Variants in NAF1 observed in about 807,000 individuals in gnomAD.
NAF1 encodes nuclear assembly factor 1 ribonucleoprotein.
Under a neutral mutation model 40.6 loss-of-function variants are expected in NAF1, and 11 were observed. The observed-to-expected ratio is 0.27, with a 90% CI of 0.17 to 0.45. NAF1 has a LOEUF of 0.45. NAF1 is among the 20% of genes least tolerant of loss of function. The pLI, the probability that NAF1 is intolerant of heterozygous loss-of-function variation, is 1.00. For synonymous variants in NAF1, 260 were observed against 228.5 expected (o/e 1.14, Z -1.24); for missense variants, 607 against 611.1 (o/e 0.99, Z 0.07).
chr4:163,165,734 C>T (rs1732427445), intron 1 of NAF1, among the ~76,000 whole-genome samples: 1 of 152,152 alleles, frequency 6.6e-6, no homozygotes, highest in South Asian at 2.1e-4. Context: ...ATGCTGGAGT[C>T]CTCTCCAGCC....
chr4:163,140,824 A>C (rs1462157543), intron 4 of NAF1, among the ~76,000 whole-genome samples: 1 of 152,230 alleles, frequency 6.6e-6, no homozygotes, highest in Non-Finnish European at 1.5e-5. Flanking sequence ...ATAGGAGTTA[A>C]ATCACTTTTG....
downstream of NAF1, among the ~76,000 whole-genome samples, chr4:163,124,055 T>C (rs551150832): frequency 6.6e-6 from 1 of 152,338 alleles, no homozygotes; most frequent in Non-Finnish European, 1.5e-5. Context: ...GAGTAATTTA[T>C]AAAAACAATA....
At chr4:163,118,298 G>A (rs1730412473) in intron 2 of NAF1, among the ~76,000 whole-genome samples, 1 of 152,138 alleles carries the variant, frequency 6.6e-6, no homozygotes. Flanking sequence ...AGTAGGGACA[G>A]GTGTAATAAA....
chr4:163,120,629 T>C (rs1730491262), intron 2 of NAF1, among the ~76,000 whole-genome samples: 1 of 152,206 alleles, frequency 6.6e-6, no homozygotes, highest in Non-Finnish European at 1.5e-5. Flanking sequence ...GTACTAGCCT[T>C]CAAATAAATA....
rs769032935 is a variant in NAF1, at chr4:163,128,869, C to T, written c.*28G>A. The T allele has an allele frequency of 2.2e-5, 32 of 1,477,596 alleles. No individual in the cohort carries two copies. Among genetic ancestry groups the T allele is most frequent in the Non-Finnish European group, 2.7e-5 (30 of 1,111,994 alleles). 91.5% of individuals were successfully genotyped at this position (1,477,596 alleles called of 1,614,324 possible). On this transcript the variant is annotated 3_prime_UTR_variant, in exon 8 of 8. Transcript: ENST00000274054. ...ATCCTTACCACATAATATGAAAAGT[C>T]CACATTTCTCTGGAAATGCATAGTC...
chr4:163,112,348 G>GT (rs1730187353), intron 2 of NAF1, among the ~76,000 whole-genome samples: 2 of 152,158 alleles, frequency 1.3e-5, no homozygotes, highest in South Asian at 4.1e-4. Context: ...AAATCTGAAT[G>GT]TATTTGAGCT....
At chr4:163,151,789 G>C (rs1731718683) in intron 2 of NAF1, among the ~76,000 whole-genome samples, 1 of 151,918 alleles carries the variant, frequency 6.6e-6, no homozygotes, top group Admixed American at 6.6e-5. Context: ...AGTATTGATT[G>C]AGATCACATT....
At position 163,148,409 on chromosome 4, in the gene NAF1, G is replaced by C; in HGVS notation, c.566C>G (p.Thr189Ser). The change falls in exon 3 of 8, where the codon ACT becomes AGT. Residue 189 changes from threonine (T) to serine (S), a missense_variant. Around this residue, in one of 3 missense-constraint regions of NAF1, gnomAD observed 407 missense variants for 365.5 expected, o/e 1.11. Coordinates refer to ENST00000274054, the MANE Select transcript of NAF1 (RefSeq NM_138386.3). ...CTCAATATCTTCAGGCAGAATAATA[G>C]TGAGTTCTTCAACAGAAGGCAGTTC... ...LNELPSVEEL[T>S]IILPEDIELK... is the part of the protein sequence containing the mutation. The C allele has an allele frequency of 4.4e-6, 7 of 1,584,582 alleles. No homozygotes were observed. Among genetic ancestry groups the C allele is most frequent in the Non-Finnish European group, 6.0e-6 (7 of 1,170,256 alleles).
downstream of NAF1, among the ~76,000 whole-genome samples, chr4:163,123,124 A>G (rs911125372): frequency 6.6e-6 from 1 of 152,216 alleles, no homozygotes; most frequent in Non-Finnish European, 1.5e-5. Context: ...CTCTGGTTAG[A>G]GCCTCAGGAA....
chr4:163,160,274 T>C (rs1732163822), intron 2 of NAF1, among the ~76,000 whole-genome samples: 1 of 152,134 alleles, frequency 6.6e-6, no homozygotes, highest in Admixed American at 6.5e-5. Flanking sequence ...CACTTAAGAC[T>C]CTCCTTTTTC....
intron 2 of NAF1, among the ~76,000 whole-genome samples, chr4:163,112,718 T>G (rs1730200947): frequency 6.6e-6 from 1 of 152,146 alleles, no homozygotes; most frequent in Non-Finnish European, 1.5e-5. Flanking sequence ...TGAAGAGGGA[T>G]GTGGATGATA....
intron 2 of NAF1, among the ~76,000 whole-genome samples, chr4:163,150,762 G>T (rs1288336301): frequency 3.9e-5 from 6 of 151,962 alleles, no homozygotes; most frequent in Non-Finnish European, 4.4e-5. Context: ...ATATCTTTGT[G>T]TAACCCCTGT....
intron 4 of NAF1, among the ~76,000 whole-genome samples, chr4:163,145,541 T>C (rs1354098706): frequency 6.6e-6 from 1 of 152,196 alleles, no homozygotes; most frequent in African/African-American, 2.4e-5. Context: ...TGACAAACAC[T>C]AGGAAAGAAT....
chr4:163,147,619 G>A (rs977092143), intron 3 of NAF1, among the ~76,000 whole-genome samples: 7 of 152,112 alleles, frequency 4.6e-5, no homozygotes, highest in Non-Finnish European at 7.4e-5. Flanking sequence ...CAAAGGTGGT[G>A]AGCAGAATGG....
chr4:163,105,485 C>T (rs1007418014), downstream of NAF1, among the ~76,000 whole-genome samples: 2 of 152,076 alleles, frequency 1.3e-5, no homozygotes, highest in African/African-American at 4.8e-5. Flanking sequence ...TATCTGTGAC[C>T]CTTAACTAAA....
chr4:163,113,607 C>G (rs79685457), intron 2 of NAF1, among the ~76,000 whole-genome samples: 1 of 151,740 alleles, frequency 6.6e-6, no homozygotes, highest in Non-Finnish European at 1.5e-5. Context: ...AGATATTTCT[C>G]TGTGTCTGTG....
rs201172406 is a variant in NAF1 at position 163,115,199 on chromosome 4, A to ATTTTTTTTTTTTTTTTTTTT, written c.115-4910_115-4909insAAAAAAAAAAAAAAAAAAAA. ...ATACTATTGGCGATATAGGACAATA[A>ATTTTTTTTTTTTTTTTTTTT]TTTTTTTATTTATTTTTTTTTTTTT... On this transcript the variant is annotated intron_variant, in intron 2 of 2. Coordinates refer to the NAF1 transcript ENST00000509434. Among the ~76,000 whole-genome samples, 3 of 103,708 alleles carry ATTTTTTTTTTTTTTTTTTTT rather than the reference A, an allele frequency of 2.9e-5. 1 individual carries two copies. The highest frequency in any genetic ancestry group is 5.5e-5 in the Non-Finnish European group (3 of 54,224). 68.0% of individuals were successfully genotyped at this position (103,708 alleles called of 152,430 possible).
intron 2 of NAF1, among the ~76,000 whole-genome samples, chr4:163,162,090 T>C (rs903292962): frequency 4.4e-5 from 2 of 45,252 alleles, no homozygotes; most frequent in African/African-American, 2.0e-4. Context: ...CAATGATCTG[T>C]TCAAGGCTGT....
At chr4:163,110,910 G>C (rs1232244879) in intron 2 of NAF1, among the ~76,000 whole-genome samples, 2 of 152,206 alleles carry the variant, frequency 1.3e-5, no homozygotes, top group Non-Finnish European at 2.9e-5. Flanking sequence ...AACTGAGATA[G>C]AGCTGCTTGA....
Sources: gnomAD v4.1 joint callset for allele counts (sites outside exome capture counted in the v4.1 genomes callset) on GRCh38, gnomAD v4.1.1 for gene constraint, gnomAD v4.1.1 regional missense constraint, MANE v1.5 for transcripts, NCBI Gene and HGNC (gene_info 2026-07-23, HGNC 2026-07-21) for gene names.